The following ERC1 variants were observed in gnomAD, a reference collection of about 807,000 sequenced individuals.
The protein encoded by ERC1 is ELKS/RAB6-interacting/CAST family member 1, also known as RAB6 interacting protein 2.
ERC1 carries 56 observed loss-of-function variants against 132.0 expected under a neutral mutation model. The ratio of observed to expected loss-of-function variants is 0.42; its 90% CI spans 0.34 to 0.53. ERC1 has a LOEUF of 0.53. Ranked by LOEUF, ERC1 falls within the 20% of genes least tolerant of loss-of-function variation. ERC1 has a pLI of 0.03. For synonymous variants in ERC1, 478 were observed against 476.1 expected (o/e 1.00, Z -0.05); for missense variants, 1,202 against 1,349.9 (o/e 0.89, Z 1.72).
At chr12:1,241,174 T>C (rs1387926766) in intron 13 of ERC1, among the ~76,000 whole-genome samples, 9 of 152,198 alleles carry the variant, frequency 5.9e-5, no homozygotes, top group Non-Finnish European at 1.3e-4. Context: ...GCATTCTGTT[T>C]TCCCTATAGC....
At chr12:1,294,647 C>T (rs930464786) in intron 15 of ERC1, among the ~76,000 whole-genome samples, 1 of 152,216 alleles carries the variant, frequency 6.6e-6, no homozygotes, top group Middle Eastern at 3.4e-3. Flanking sequence ...ATAGGATCAA[C>T]CCTCATCCCT....
intron 2 of ERC1, among the ~76,000 whole-genome samples, chr12:1,076,876 A>G (rs1426874184): frequency 6.6e-6 from 1 of 152,202 alleles, no homozygotes; most frequent in African/African-American, 2.4e-5. Flanking sequence ...TAGAAAGTTT[A>G]TTGATGATAA....
At chr12:1,181,502 T>TA (rs980175380) in intron 9 of ERC1, among the ~76,000 whole-genome samples, 1 of 152,048 alleles carries the variant, frequency 6.6e-6, no homozygotes, top group African/African-American at 2.4e-5. Context: ...ATGAATTATT[T>TA]AAAAAATGTA....
intron 17 of ERC1, among the ~76,000 whole-genome samples, chr12:1,418,106 C>T (rs2092211152): frequency 6.6e-6 from 1 of 152,142 alleles, no homozygotes; most frequent in Non-Finnish European, 1.5e-5. Flanking sequence ...TATATCAAAA[C>T]TTGACCTACC....
chr12:1,390,989 A>T (rs1228001941), intron 16 of ERC1: 1 of 152,218 alleles, frequency 6.6e-6, no homozygotes, highest in African/African-American at 2.4e-5. Flanking sequence ...TAGTCCAGCT[A>T]TGGTAGCTGA....
chr12:1,137,579 G>A (rs1189159099), intron 7 of ERC1, among the ~76,000 whole-genome samples: 1 of 151,968 alleles, frequency 6.6e-6, no homozygotes, highest in Non-Finnish European at 1.5e-5. Flanking sequence ...GCCAGGAGCG[G>A]TGGCTCACGC....
intron 14 of ERC1, 144 bp downstream of exon 14, chr12:1,263,309 C>A: frequency 1.4e-6 from 1 of 692,896 alleles, no homozygotes; most frequent in Non-Finnish European, 2.3e-6. Context: ...CAAGGAGTTC[C>A]TTCATAGCGG....
rs552113813 is a variant in ERC1 at position 1,494,280 on chromosome 12, G to A, written c.*4050G>A. ...CACCCTCTGCAGAGTGAGGCCGCCC[G>A]TCCATCACTGCCAGCCCTGGGCTGC... On this transcript the variant is annotated 3_prime_UTR_variant, in exon 19 of 19. Coordinates refer to ENST00000360905, the MANE Select transcript of ERC1 (RefSeq NM_178040.4). 11 of 232,014 alleles carry A rather than the reference G, an allele frequency of 4.7e-5. No homozygotes were observed. The highest frequency in any genetic ancestry group is 2.3e-4 in the Admixed American group (4 of 17,768). 14.4% of individuals were successfully genotyped at this position (232,014 alleles called of 1,614,324 possible). A position where few individuals can be genotyped will look rare whatever the true frequency, so the allele number is the denominator to read the frequency against.
intron 12 of ERC1, among the ~76,000 whole-genome samples, chr12:1,211,009 C>T (rs1320987350): frequency 1.3e-5 from 2 of 151,618 alleles, no homozygotes. Context: ...ATGTAGCTAG[C>T]TGTTTGGCCT....
chr12:1,327,699 C>T (rs1326323094), intron 15 of ERC1, among the ~76,000 whole-genome samples: 3 of 152,164 alleles, frequency 2.0e-5, no homozygotes, highest in Non-Finnish European at 4.4e-5. Context: ...ATGCTCATGA[C>T]GTCCAAGTAC....
intron 2 of ERC1, among the ~76,000 whole-genome samples, chr12:1,054,324 A>G (rs1163861819): frequency 1.3e-5 from 2 of 152,176 alleles, no homozygotes; most frequent in East Asian, 1.9e-4. Flanking sequence ...ATTATGTAGT[A>G]TGATGAATAT....
intron 6 of ERC1, among the ~76,000 whole-genome samples, chr12:1,113,972 C>T (rs945091957): frequency 6.6e-6 from 1 of 152,120 alleles, no homozygotes; most frequent in Non-Finnish European, 1.5e-5. Flanking sequence ...CTTCCCTTCT[C>T]AGTCTTTAAG....
intron 7 of ERC1, among the ~76,000 whole-genome samples, chr12:1,139,593 G>T (rs974944289): frequency 2.6e-5 from 4 of 152,046 alleles, no homozygotes; most frequent in African/African-American, 9.7e-5. Flanking sequence ...TATATTCTTC[G>T]ACGACAAGGG....
At chr12:1,427,785 T>C (rs1447034530) in intron 17 of ERC1, among the ~76,000 whole-genome samples, 1 of 152,200 alleles carries the variant, frequency 6.6e-6, no homozygotes, top group Non-Finnish European at 1.5e-5. Flanking sequence ...AATGTAATAA[T>C]GTAGTCAGTG....
At chr12:1,056,210 C>T (rs566884831) in intron 2 of ERC1, among the ~76,000 whole-genome samples, 17 of 151,372 alleles carry the variant, frequency 1.1e-4, no homozygotes, top group African/African-American at 3.1e-4. Flanking sequence ...CTTTTTCCCC[C>T]GTAATGAACA....
At chr12:1,021,582 C>T (rs112806703) in intron 1 of ERC1, among the ~76,000 whole-genome samples, 8 of 151,976 alleles carry the variant, frequency 5.3e-5, no homozygotes, top group Admixed American at 1.3e-4. Flanking sequence ...ACCTGTAGTC[C>T]CAGCTACTCG....
intron 3 of ERC1, among the ~76,000 whole-genome samples, chr12:1,094,796 G>T (rs1701348915): frequency 6.6e-6 from 1 of 152,150 alleles, no homozygotes; most frequent in South Asian, 2.1e-4. Flanking sequence ...TATTACCAGA[G>T]ATGGTAATGG....
chr12:1,142,875 G>T (rs534767096), intron 8 of ERC1, among the ~76,000 whole-genome samples: 1 of 152,126 alleles, frequency 6.6e-6, no homozygotes, highest in African/African-American at 2.4e-5. Flanking sequence ...TCTTTTGTCC[G>T]ATGTGAGTTC....
intron 14 of ERC1, 129 bp from the exon 15 acceptor site, chr12:1,289,723 G>T: frequency 1.5e-6 from 1 of 647,864 alleles, no homozygotes; most frequent in East Asian, 2.6e-5. Context: ...GATCCAGAAA[G>T]AGTACAGAAT....
Sources: allele counts gnomAD v4.1 joint callset (sites outside exome capture counted in the v4.1 genomes callset), GRCh38; gene constraint gnomAD v4.1.1; transcripts MANE v1.5; gene names NCBI Gene and HGNC (gene_info 2026-07-23, HGNC 2026-07-21).